Variants in WDR7 observed in about 807,000 individuals in gnomAD.
The protein encoded by WDR7 is WD repeat domain 7, also known as WD repeat-containing protein 7.
A neutral mutation model predicts 169.4 loss-of-function variants in WDR7; 46 were observed. The observed-to-expected ratio is 0.27, with a 90% CI of 0.21 to 0.35. The LOEUF is 0.35. Ranked by LOEUF, WDR7 falls within the 10% of genes least tolerant of loss-of-function variation. The probability of loss-of-function intolerance (pLI) is 1.00; values close to 1 mark genes in which losing one functional copy is unlikely to be tolerated. For missense variants in WDR7, 1,534 were observed against 1,859.3 expected, an observed-to-expected ratio of 0.83 and a Z score of 3.22; for synonymous variants, 612 against 666.8, an observed-to-expected ratio of 0.92 and a Z score of 1.27.
intron 20 of WDR7, among the ~76,000 whole-genome samples, chr18:56,833,550 TAAAA>T (rs912733076): frequency 6.6e-6 from 1 of 152,318 alleles, no homozygotes; most frequent in African/African-American, 2.4e-5. Flanking sequence ...TAGTATTAAA[TAAAA>T]CATTCCAATA....
At chr18:56,800,271 G>A (rs1173636403) in intron 19 of WDR7, among the ~76,000 whole-genome samples, 1 of 152,062 alleles carries the variant, frequency 6.6e-6, no homozygotes, top group Admixed American at 6.6e-5. Flanking sequence ...GAATTGTGAG[G>A]TTTAATCACT....
chr18:56,817,246 G>A (rs1309028471), intron 20 of WDR7, among the ~76,000 whole-genome samples: 1 of 151,732 alleles, frequency 6.6e-6, no homozygotes, highest in Non-Finnish European at 1.5e-5. Context: ...TCGGGAGGCT[G>A]AGGCAGGAGA....
intron 26 of WDR7, among the ~76,000 whole-genome samples, chr18:56,978,882 G>A (rs1483817429): frequency 1.3e-5 from 2 of 152,026 alleles, no homozygotes; most frequent in African/African-American, 2.4e-5. Context: ...CTGAGTTTAC[G>A]GAATAAAATA....
intron 12 of WDR7, among the ~76,000 whole-genome samples, chr18:56,702,972 A>G (rs2025865460): frequency 6.6e-6 from 1 of 152,244 alleles, no homozygotes; most frequent in African/African-American, 2.4e-5. Context: ...ACTGTTTAGT[A>G]CCAGTGATAT....
intron 26 of WDR7, among the ~76,000 whole-genome samples, chr18:57,020,275 G>A (rs923940142): frequency 2.0e-5 from 3 of 152,226 alleles, no homozygotes; most frequent in Non-Finnish European, 2.9e-5. Context: ...CATGAGCAGT[G>A]TATAATTATT....
intron 16 of WDR7, 93 bp downstream of exon 16, chr18:56,759,046 C>A: frequency 1.0e-6 from 1 of 980,990 alleles, no homozygotes; most frequent in Non-Finnish European, 1.4e-6. Context: ...ATTTGTTTGT[C>A]TTGGATTGTT....
Position 56,870,700 on chromosome 18 carries a change from T to A in WDR7, c.3305-9244T>A, listed in dbSNP as rs568680350. On this transcript the variant is annotated intron_variant, in intron 20 of 27. Coordinates refer to ENST00000254442, the MANE Select transcript of WDR7 (RefSeq NM_015285.3). ...ATGGGGTCTTGCTCTGTTGCCCAGG[T>A]TGACCTTGAACTCCTGGGCTGAAGC... Among the ~76,000 whole-genome samples, 847 of 152,304 alleles carry A rather than the reference T, an allele frequency of 5.6e-3. 11 individuals are homozygous for A. The highest frequency in any genetic ancestry group is 0.019 in the African/African-American group (804 of 41,578).
intron 13 of WDR7, among the ~76,000 whole-genome samples, chr18:56,728,078 G>T (rs1342928574): frequency 1.3e-5 from 2 of 152,020 alleles, no homozygotes; most frequent in African/African-American, 4.8e-5. Context: ...TCTTCTCATG[G>T]TTATTTTCAG....
intron 21 of WDR7, among the ~76,000 whole-genome samples, chr18:56,881,677 C>G (rs1237659830): frequency 6.6e-6 from 1 of 152,152 alleles, no homozygotes; most frequent in South Asian, 2.1e-4. Context: ...GTGGCATGAT[C>G]TTGGTTCACT....
chr18:56,843,821 C>T (rs2045523442), intron 20 of WDR7, among the ~76,000 whole-genome samples: 1 of 151,562 alleles, frequency 6.6e-6, no homozygotes, highest in Non-Finnish European at 1.5e-5. Flanking sequence ...AGTTTCTCCA[C>T]ATCCTCATCA....
intron 18 of WDR7, 106 bp from the exon 19 acceptor site, chr18:56,781,427 T>A: frequency 8.2e-7 from 1 of 1,225,200 alleles, no homozygotes; most frequent in Non-Finnish European, 1.1e-6. Context: ...ATAAATATGG[T>A]TTTTATGTTT....
intron 11 of WDR7, among the ~76,000 whole-genome samples, chr18:56,695,511 C>G (rs2025680124): frequency 6.6e-6 from 1 of 151,896 alleles, no homozygotes; most frequent in South Asian, 2.1e-4. Context: ...TGAAAATCCT[C>G]CAGAACAGTA....
chr18:56,694,227 A>C (rs912135427), intron 9 of WDR7, among the ~76,000 whole-genome samples: 17 of 152,196 alleles, frequency 1.1e-4, no homozygotes, highest in Admixed American at 1.1e-3. Context: ...GAGTTCTCTC[A>C]TCTTGACCTT....
At chr18:56,997,698 C>T (rs2047917433) in intron 26 of WDR7, among the ~76,000 whole-genome samples, 1 of 151,902 alleles carries the variant, frequency 6.6e-6, no homozygotes, top group South Asian at 2.1e-4. Context: ...TTTTTTTTGG[C>T]ACTTGGATTG....
In WDR7 at chr18:57,010,358, T is replaced by G. The variant is rs534059690; in HGVS notation, c.4165-10387T>G. ...ATTCTTTTATTTAAAACAACCACAT[T>G]TATCTAAATTATATTAGTATTCAGC... On this transcript the variant is annotated intron_variant, in intron 26 of 27. Coordinates refer to ENST00000254442, the MANE Select transcript of WDR7 (RefSeq NM_015285.3). 3.9e-4 allele frequency: 346 copies of G among 897,910 alleles called. 1 individual carries two copies. The highest frequency in any genetic ancestry group is 5.8e-4 in the Middle Eastern group (1 of 1,732). The allele number at this position is 897,910 out of a possible 1,614,324, so 55.6% of individuals were successfully genotyped here.
intron 20 of WDR7, among the ~76,000 whole-genome samples, chr18:56,861,392 ATAAAGCCAT>A: frequency 6.6e-6 from 1 of 152,336 alleles, no homozygotes; most frequent in Middle Eastern, 3.4e-3. Flanking sequence ...AAGGCTATTG[ATAAAGCCAT>A]GTGTAAATTG....
At chr18:56,767,857 C>G (rs2145001820) in intron 16 of WDR7, among the ~76,000 whole-genome samples, 1 of 152,214 alleles carries the variant, frequency 6.6e-6, no homozygotes, top group East Asian at 1.9e-4. Flanking sequence ...AACTCTAGAT[C>G]CCGTGCTTTT....
chr18:56,697,317 T>G (rs2144648192), intron 12 of WDR7, among the ~76,000 whole-genome samples: 1 of 152,352 alleles, frequency 6.6e-6, no homozygotes, highest in Non-Finnish European at 1.5e-5. Flanking sequence ...CTACAAAATT[T>G]TTCTTGGCCC....
chr18:56,660,077 G>A (rs1052104711), intron 1 of WDR7, among the ~76,000 whole-genome samples: 1 of 152,170 alleles, frequency 6.6e-6, no homozygotes, highest in Non-Finnish European at 1.5e-5. Flanking sequence ...GATGTGGAAT[G>A]TGTATGTGTG....
Sources: gnomAD v4.1 joint callset for allele counts (sites outside exome capture counted in the v4.1 genomes callset) on GRCh38, gnomAD v4.1.1 for gene constraint, MANE v1.5 for transcripts, NCBI Gene and HGNC (gene_info 2026-07-23, HGNC 2026-07-21) for gene names.